The following CAMK1D variants were observed in gnomAD, a reference collection of about 807,000 sequenced individuals.
The protein encoded by CAMK1D is calcium/calmodulin-dependent protein kinase type 1D.
Under a neutral mutation model 47.7 loss-of-function variants are expected in CAMK1D, and 9 were observed. The observed-to-expected ratio is 0.19, with a 90% CI of 0.11 to 0.33. CAMK1D has a LOEUF of 0.33. CAMK1D is among the 10% of genes least tolerant of loss of function. The probability of loss-of-function intolerance (pLI) is 1.00; values close to 1 mark genes in which losing one functional copy is unlikely to be tolerated. For synonymous variants in CAMK1D, 184 were observed against 184.9 expected, an observed-to-expected ratio of 0.99 and a Z score of 0.04; for missense variants, 291 against 488.7, an observed-to-expected ratio of 0.60 and a Z score of 3.81.
At position 12,554,918 on chromosome 10, in the gene CAMK1D, C is replaced by T. The variant is rs572133478; in HGVS notation, c.224+1562C>T. Among the ~76,000 whole-genome samples, 3 of 152,276 alleles carry T rather than the reference C, an allele frequency of 2.0e-5. No individual in the cohort carries two copies. In the East Asian group the frequency reaches 5.8e-4, roughly 29 times the overall value. ...TAAGTGTGGTGTCCACACCGTTCCC[C>T]ACACTGTCATGATTAAGCCATTGCC... On this transcript the variant is annotated intron_variant, in intron 2 of 10. Coordinates refer to ENST00000619168, the MANE Select transcript of CAMK1D (RefSeq NM_153498.4).
At chr10:12,431,602 G>A (rs114624868) in intron 1 of CAMK1D, among the ~76,000 whole-genome samples, 2 of 152,152 alleles carry the variant, frequency 1.3e-5, no homozygotes, top group Non-Finnish European at 2.9e-5. Flanking sequence ...CCTGCCTATC[G>A]TGGAGCACCT....
At chr10:12,587,690 T>A (rs940221550) in intron 2 of CAMK1D, among the ~76,000 whole-genome samples, 1 of 152,200 alleles carries the variant, frequency 6.6e-6, no homozygotes, top group Non-Finnish European at 1.5e-5. Flanking sequence ...TCATGCAGGC[T>A]GCAGTGGAAT....
chr10:12,384,267 A>C (rs1838426784), intron 1 of CAMK1D, among the ~76,000 whole-genome samples: 1 of 152,200 alleles, frequency 6.6e-6, no homozygotes, highest in Non-Finnish European at 1.5e-5. Flanking sequence ...TGTTGTGGAG[A>C]TAGCAAAACT....
At chr10:12,678,803 G>C (rs1292580416) in intron 3 of CAMK1D, among the ~76,000 whole-genome samples, 2 of 151,860 alleles carry the variant, frequency 1.3e-5, no homozygotes, top group African/African-American at 4.8e-5. Flanking sequence ...TTGAGACAGA[G>C]TCTCACACTG....
chr10:12,547,647 C>CCCCCG lies in CAMK1D; in HGVS notation c.93-5576_93-5575insCCGCC, dbSNP rs1409042962. Among the ~76,000 whole-genome samples the CCCCCG allele has an allele frequency of 2.8e-3, 315 of 112,340 alleles. 6 individuals are homozygous for CCCCCG. The East Asian group carries it at 0.043, about 15-fold the overall frequency. The allele number at this position is 112,340 out of a possible 152,430, so 73.7% of individuals were successfully genotyped here. ...TTTCCTGTCACGAGGACACCCCCCC[C>CCCCCG]CCAACCCTGCACTCTCTCTCTCTCT... On this transcript the variant is annotated intron_variant, in intron 1 of 10. Coordinates refer to ENST00000619168, the MANE Select transcript of CAMK1D (RefSeq NM_153498.4).
intron 1 of CAMK1D, among the ~76,000 whole-genome samples, chr10:12,480,960 G>T (rs770433247): frequency 6.6e-6 from 1 of 152,152 alleles, no homozygotes; most frequent in African/African-American, 2.4e-5. Flanking sequence ...AACAGCCCTT[G>T]GTCATTCCTG....
At chr10:12,810,361 G>C (rs183662516) in intron 6 of CAMK1D, among the ~76,000 whole-genome samples, 208 of 144,476 alleles carry the variant, frequency 1.4e-3, no homozygotes, top group African/African-American at 5.1e-3. Flanking sequence ...TGCAACCTCC[G>C]CCTCCCGGGT....
chr10:12,656,661 C>T (rs1240511635), intron 2 of CAMK1D, among the ~76,000 whole-genome samples: 1 of 152,160 alleles, frequency 6.6e-6, no homozygotes, highest in African/African-American at 2.4e-5. Flanking sequence ...GACTTAAGAG[C>T]TTAGTTGATT....
intron 5 of CAMK1D, among the ~76,000 whole-genome samples, chr10:12,786,143 G>A (rs1245975344): frequency 6.6e-6 from 1 of 152,106 alleles, no homozygotes; most frequent in Non-Finnish European, 1.5e-5. Flanking sequence ...AGAATTTAGG[G>A]TATGGGTGTG....
At chr10:12,417,922 C>G (rs1250697919) in intron 1 of CAMK1D, among the ~76,000 whole-genome samples, 1 of 152,136 alleles carries the variant, frequency 6.6e-6, no homozygotes, top group Non-Finnish European at 1.5e-5. Flanking sequence ...CTGCCTCAGC[C>G]TCCCGAATAG....
At chr10:12,353,968 A>G (rs1837422752) in intron 1 of CAMK1D, among the ~76,000 whole-genome samples, 1 of 152,140 alleles carries the variant, frequency 6.6e-6, no homozygotes, top group Non-Finnish European at 1.5e-5. Flanking sequence ...GGAGAAGTAT[A>G]TGGATGGGAG....
At chr10:12,533,657 C>G (rs542457976) in intron 1 of CAMK1D, among the ~76,000 whole-genome samples, 1 of 152,272 alleles carries the variant, frequency 6.6e-6, no homozygotes, top group African/African-American at 2.4e-5. Flanking sequence ...GCCCTCCAGT[C>G]TACCCAGGTC....
chr10:12,513,725 C>T (rs1078776), intron 1 of CAMK1D, among the ~76,000 whole-genome samples: 11,213 of 152,172 alleles, frequency 0.074, 727 homozygotes, highest in East Asian at 0.36. Context: ...CACTTGAGCC[C>T]GGGAGGTGGA....
intron 2 of CAMK1D, among the ~76,000 whole-genome samples, chr10:12,642,936 T>A (rs1839705671): frequency 6.6e-6 from 1 of 152,222 alleles, no homozygotes; most frequent in Admixed American, 6.5e-5. Flanking sequence ...TATTTTTTTC[T>A]TAAATGATTA....
At chr10:12,631,789 A>ATGTTCT (rs1839386281) in intron 2 of CAMK1D, among the ~76,000 whole-genome samples, 1 of 152,026 alleles carries the variant, frequency 6.6e-6, no homozygotes, top group Non-Finnish European at 1.5e-5. Flanking sequence ...AGAATTGGGA[A>ATGTTCT]CAATTCTGAT....
intron 2 of CAMK1D, among the ~76,000 whole-genome samples, chr10:12,559,508 A>G (rs1049300011): frequency 2.0e-5 from 3 of 152,122 alleles, no homozygotes; most frequent in African/African-American, 7.2e-5. Flanking sequence ...GCTGCTCCGT[A>G]TGATGACTAG....
intron 10 of CAMK1D, among the ~76,000 whole-genome samples, chr10:12,827,248 CTTTCTTTCTT>C (rs1468621056): frequency 2.0e-5 from 3 of 146,556 alleles, no homozygotes; most frequent in African/African-American, 7.6e-5. Context: ...TCCCTCCCTT[CTTTCTTTCTT>C]TTTCTTTCCT....
intron 2 of CAMK1D, among the ~76,000 whole-genome samples, chr10:12,642,512 T>G (rs1351073699): frequency 6.6e-6 from 1 of 152,174 alleles, no homozygotes; most frequent in African/African-American, 2.4e-5. Flanking sequence ...TCTTGGGATT[T>G]TTCCCAGGAC....
intron 1 of CAMK1D, among the ~76,000 whole-genome samples, chr10:12,439,899 G>T (rs1394136545): frequency 6.6e-6 from 1 of 152,188 alleles, no homozygotes. Flanking sequence ...TTACATGGCG[G>T]CAGGCAAGAG....
Sources: allele counts gnomAD v4.1 joint callset (sites outside exome capture counted in the v4.1 genomes callset), GRCh38; gene constraint gnomAD v4.1.1; transcripts MANE v1.5; gene names NCBI Gene and HGNC (gene_info 2026-07-23, HGNC 2026-07-21).